The following LGR6 variants were observed in gnomAD, a reference collection of about 807,000 sequenced individuals.
The protein encoded by LGR6 is leucine-rich repeat-containing G protein-coupled receptor 6.
LGR6 carries 45 observed loss-of-function variants against 69.4 expected under a neutral mutation model. The ratio of observed to expected loss-of-function variants is 0.65; its 90% confidence interval spans 0.51 to 0.83. The LOEUF (loss-of-function observed/expected upper bound fraction) is 0.83, where lower values mean the gene tolerates loss of function less well. LGR6 is among the 40% of genes least tolerant of loss of function. The probability of loss-of-function intolerance (pLI) is 0.00; values close to 1 mark genes in which losing one functional copy is unlikely to be tolerated. For synonymous variants in LGR6, 538 were observed against 555.0 expected, an observed-to-expected ratio of 0.97 and a Z score of 0.43; for missense variants, 1,108 against 1,246.7, an observed-to-expected ratio of 0.89 and a Z score of 1.68.
At chr1:202,307,009 C>A in intron 13 of LGR6, 70 bp downstream of exon 13, 2 of 1,328,388 alleles carry the variant, frequency 1.5e-6, no homozygotes, top group South Asian at 1.2e-5. Context: ...TGCTCATTGT[C>A]ATAGCACATG....
At chr1:202,290,073 T>C (rs1428544770) in intron 6 of LGR6, among the ~76,000 whole-genome samples, 1 of 152,242 alleles carries the variant, frequency 6.6e-6, no homozygotes, top group Non-Finnish European at 1.5e-5. Flanking sequence ...AGAATGAAAG[T>C]GTCTGTTCTA....
chr1:202,206,370 A>T (rs1279174119), intron 1 of LGR6, among the ~76,000 whole-genome samples: 2 of 152,218 alleles, frequency 1.3e-5, no homozygotes, highest in Non-Finnish European at 2.9e-5. Flanking sequence ...GCCGGGAACC[A>T]GATCACGTCT....
At chr1:202,261,987 C>G (rs564265355) in intron 4 of LGR6, among the ~76,000 whole-genome samples, 15 of 152,218 alleles carry the variant, frequency 9.9e-5, no homozygotes, top group African/African-American at 3.1e-4. Flanking sequence ...GATATTAGCC[C>G]TTTGTCAGGT....
chr1:202,318,520 G>A lies in LGR6; in HGVS notation c.2217G>A (p.Met739Ile). ...ALGFTVALVM[M>I]NSFCFLVVAG... ...GCTTCACCGTGGCCCTGGTGATGAT[G>A]AACTCCTTCTGTTTCCTGGTCGTGG... Residue 739 changes from methionine to isoleucine, a missense_variant, in exon 18 of 18, where the codon ATG (methionine) becomes ATA (isoleucine). Coordinates refer to ENST00000367278, the MANE Select transcript of LGR6 (RefSeq NM_001017403.2). 3 of 1,614,074 alleles carry A rather than the reference G, an allele frequency of 1.9e-6. No homozygotes were observed. The highest frequency in any genetic ancestry group is 2.5e-6 in the Non-Finnish European group (3 of 1,180,014).
intron 1 of LGR6, among the ~76,000 whole-genome samples, chr1:202,207,752 A>T (rs144554138): frequency 0.015 from 2,297 of 152,320 alleles, 28 homozygotes; most frequent in Non-Finnish European, 0.024. Context: ...GAGGGATGAC[A>T]ACGATGCCCT....
chr1:202,236,619 C>A (rs1318351002), intron 4 of LGR6, among the ~76,000 whole-genome samples: 1 of 152,182 alleles, frequency 6.6e-6, no homozygotes, highest in Non-Finnish European at 1.5e-5. Context: ...CAGTGGGAGC[C>A]GCTGGGCTTC....
At chr1:202,257,548 C>CA (rs1167769046) in intron 4 of LGR6, among the ~76,000 whole-genome samples, 18 of 152,148 alleles carry the variant, frequency 1.2e-4, no homozygotes, top group Non-Finnish European at 2.6e-4. Flanking sequence ...ACATTTTTGT[C>CA]ATCCCAAATG....
At chr1:202,317,339 G>GTTT (rs143394771) in intron 17 of LGR6, among the ~76,000 whole-genome samples, 14 of 128,082 alleles carry the variant, frequency 1.1e-4, no homozygotes, top group Admixed American at 3.0e-4. Context: ...GTGTTTTTTT[G>GTTT]TTTTTTTTTT....
At chr1:202,308,038 A>G (rs896126504) in intron 14 of LGR6, among the ~76,000 whole-genome samples, 1 of 152,184 alleles carries the variant, frequency 6.6e-6, no homozygotes, top group Admixed American at 6.5e-5. Context: ...CTAAAAGCAC[A>G]TCTACCTAGA....
At position 202,303,287 on chromosome 1, in the gene LGR6, A is replaced by G; in HGVS notation, c.938A>G (p.Asn313Ser). 1 of 1,613,690 alleles carries G rather than the reference A, an allele frequency of 6.2e-7. No homozygotes were observed. The highest frequency in any genetic ancestry group is 8.5e-7 in the Non-Finnish European group (1 of 1,179,594). Residue 313 changes from asparagine to serine, a missense_variant, in exon 10 of 18, where the codon AAT (asparagine) becomes AGT (serine). Transcript: ENST00000367278. ...YLPKLHTLSL[N>S]GAMDIQEFPD... ...ATTGTCTCTATTTCCAGATCTCTGAATGGTGCCATGGACATCCAGGAGTTT... is the reference window on the plus strand; with the variant it reads ...ATTGTCTCTATTTCCAGATCTCTGAGTGGTGCCATGGACATCCAGGAGTTT...
At chr1:202,270,435 T>C (rs547656851) in intron 4 of LGR6, among the ~76,000 whole-genome samples, 15 of 151,870 alleles carry the variant, frequency 9.9e-5, no homozygotes, top group Admixed American at 2.6e-4. Flanking sequence ...AGAGATGGGG[T>C]TTCCCCATGT....
chr1:202,276,174 G>A lies in LGR6; in HGVS notation c.429-132G>A, dbSNP rs541456823. ...GAAGAGGCGGGATACAGGATACATG[G>A]TGGCCAAGTCACAACTTTAGTCCCA... On this transcript the variant is annotated intron_variant, in intron 4 of 17. Transcript: ENST00000367278. The A allele has an allele frequency of 2.4e-5, 16 of 675,960 alleles. No individual in the cohort carries two copies. The East Asian group carries it at 3.8e-4, about 16-fold the overall frequency. The allele number at this position is 675,960 out of a possible 1,614,324, so 41.9% of individuals were successfully genotyped here.
intron 13 of LGR6, 87 bp downstream of exon 13, chr1:202,307,026 A>G (rs899650498): frequency 7.6e-6 from 9 of 1,181,498 alleles, no homozygotes; most frequent in Non-Finnish European, 1.1e-5. Context: ...CATGTGTACA[A>G]TTTAAGCAAA....
At chr1:202,256,705 T>A (rs1211042299) in intron 4 of LGR6, among the ~76,000 whole-genome samples, 2 of 152,244 alleles carry the variant, frequency 1.3e-5, no homozygotes, top group African/African-American at 4.8e-5. Flanking sequence ...TGTACACATA[T>A]GTTGTCAGTT....
chr1:202,200,401 A>G (rs1658798421), intron 1 of LGR6, among the ~76,000 whole-genome samples: 1 of 152,210 alleles, frequency 6.6e-6, no homozygotes. Context: ...GGTTGGGGGC[A>G]GACATGCCCT....
intron 6 of LGR6, among the ~76,000 whole-genome samples, chr1:202,286,061 A>G (rs547334655): frequency 2.0e-4 from 31 of 152,186 alleles, no homozygotes; most frequent in African/African-American, 6.5e-4. Flanking sequence ...TTGTAAGAAC[A>G]TTTGCCATTG....
intron 9 of LGR6, among the ~76,000 whole-genome samples, chr1:202,302,245 C>T (rs569426378): frequency 2.6e-5 from 4 of 152,206 alleles, no homozygotes; most frequent in South Asian, 4.1e-4. Context: ...TTAACTTTCA[C>T]GTTCATTACG....
intron 4 of LGR6, among the ~76,000 whole-genome samples, chr1:202,238,033 T>C (rs920244665): frequency 6.6e-6 from 1 of 152,196 alleles, no homozygotes; most frequent in African/African-American, 2.4e-5. Context: ...ATGATGTTAT[T>C]GTGAGATCGT....
At chr1:202,294,327 C>T (rs570027212) in intron 6 of LGR6, among the ~76,000 whole-genome samples, 1 of 152,200 alleles carries the variant, frequency 6.6e-6, no homozygotes, top group Non-Finnish European at 1.5e-5. Context: ...GAAGAAAGAA[C>T]GGAAGCTGTC....
Sources: gnomAD v4.1 joint callset for allele counts (sites outside exome capture counted in the v4.1 genomes callset) on GRCh38, gnomAD v4.1.1 for gene constraint, MANE v1.5 for transcripts, NCBI Gene and HGNC (gene_info 2026-07-23, HGNC 2026-07-21) for gene names.